Variants in CAB39 observed in about 807,000 individuals in gnomAD.
The protein encoded by CAB39 is calcium binding protein 39.
CAB39 carries 8 observed loss-of-function variants against 40.0 expected under a neutral mutation model. The observed-to-expected ratio is 0.20, with a 90% CI of 0.12 to 0.36. The LOEUF is 0.36. Ranked by LOEUF, CAB39 falls within the 10% of genes least tolerant of loss-of-function variation. The pLI, the probability that CAB39 is intolerant of heterozygous loss-of-function variation, is 1.00. For synonymous variants in CAB39, 156 were observed against 141.6 expected (o/e 1.10, Z -0.72); for missense variants, 270 against 401.1 (o/e 0.67, Z 2.79).
chr2:230,815,464 T>C (rs1696383538), intron 7 of CAB39, among the ~76,000 whole-genome samples: 1 of 152,124 alleles, frequency 6.6e-6, no homozygotes, highest in African/African-American at 2.4e-5. Context: ...AGGGCTGAGG[T>C]ATACTACTCT....
chr2:230,815,013 C>T (rs1696375389), intron 7 of CAB39, among the ~76,000 whole-genome samples: 1 of 152,196 alleles, frequency 6.6e-6, no homozygotes, highest in South Asian at 2.1e-4. Flanking sequence ...ACCAAGATTC[C>T]ATCCACTCAT....
At chr2:230,719,445 C>T (rs75433271) in intron 1 of CAB39, among the ~76,000 whole-genome samples, 8,285 of 152,092 alleles carry the variant, frequency 0.054, 774 homozygotes, top group African/African-American at 0.19. Flanking sequence ...TAAATAGATC[C>T]GAATTTGGAT....
chr2:230,734,511 G>A (rs888780268), intron 1 of CAB39, among the ~76,000 whole-genome samples: 1 of 152,138 alleles, frequency 6.6e-6, no homozygotes, highest in Middle Eastern at 3.2e-3. Flanking sequence ...GTGAGTGGGG[G>A]AGTTGCCAGA....
chr2:230,737,862 AC>A (rs1694813809), intron 1 of CAB39, among the ~76,000 whole-genome samples: 1 of 152,192 alleles, frequency 6.6e-6, no homozygotes, highest in African/African-American at 2.4e-5. Context: ...TATGATGTCA[AC>A]ACTTACCTGG....
At chr2:230,735,126 G>A (rs910357950) in intron 1 of CAB39, among the ~76,000 whole-genome samples, 1 of 152,072 alleles carries the variant, frequency 6.6e-6, no homozygotes, top group African/African-American at 2.4e-5. Flanking sequence ...GGAGTAGAAT[G>A]TGGAATCGCA....
intron 1 of CAB39, among the ~76,000 whole-genome samples, chr2:230,727,018 TAAGAAATAC>T (rs973090481): frequency 6.6e-6 from 1 of 151,098 alleles, no homozygotes; most frequent in African/African-American, 2.4e-5. Context: ...GAAGGAATAA[TAAGAAATAC>T]GGAGAGGGAA....
At chr2:230,787,705 G>GCATTGTAC (rs1695817209) in intron 2 of CAB39, among the ~76,000 whole-genome samples, 2 of 152,180 alleles carry the variant, frequency 1.3e-5, no homozygotes, top group Non-Finnish European at 1.5e-5. Flanking sequence ...GGTGTCTTCT[G>GCATTGTAC]CATTGTACCA....
At chr2:230,772,974 C>A (rs1484261059) in intron 2 of CAB39, among the ~76,000 whole-genome samples, 2 of 108,256 alleles carry the variant, frequency 1.8e-5, no homozygotes, top group Non-Finnish European at 1.8e-5. Context: ...CAGAGTACTA[C>A]TCAGCAATAA....
chr2:230,785,970 C>G (rs1394565831), intron 2 of CAB39, among the ~76,000 whole-genome samples: 3 of 151,770 alleles, frequency 2.0e-5, no homozygotes, highest in African/African-American at 7.3e-5. Flanking sequence ...CGAGACCATC[C>G]TGGCTAACAC....
chr2:230,743,895 A>G (rs902805973), intron 1 of CAB39, among the ~76,000 whole-genome samples: 2 of 151,162 alleles, frequency 1.3e-5, no homozygotes, highest in African/African-American at 4.9e-5. Flanking sequence ...GAATAAAGTC[A>G]CAGAGCTCTG....
intron 1 of CAB39, among the ~76,000 whole-genome samples, chr2:230,717,394 C>T (rs1333264192): frequency 6.6e-6 from 1 of 152,096 alleles, no homozygotes; most frequent in Non-Finnish European, 1.5e-5. Flanking sequence ...TGTGAGAGTT[C>T]GTACGTTCTG....
intron 6 of CAB39, 65 bp downstream of exon 6, chr2:230,810,387 T>A: frequency 1.6e-6 from 1 of 613,750 alleles, no homozygotes; most frequent in South Asian, 2.4e-5. Flanking sequence ...AATGAAAGAC[T>A]TACATTAGGT....
intron 1 of CAB39, among the ~76,000 whole-genome samples, chr2:230,748,831 A>AATATATATATATATATATATATAT (rs71052546): frequency 1.4e-4 from 4 of 28,498 alleles, no homozygotes; most frequent in Admixed American, 6.5e-4. Flanking sequence ...AAAAAAAAAA[A>AATATATATATATATATATATATAT]ATATATATAT....
Position 230,777,015 on chromosome 2 carries a change from T to C in CAB39, c.115-13857T>C, listed in dbSNP as rs548908779. Among the ~76,000 whole-genome samples the C allele has an allele frequency of 2.0e-5, 3 of 152,264 alleles. No homozygotes were observed. In the South Asian group the frequency reaches 6.2e-4, roughly 32 times the overall value. On this transcript the variant is annotated intron_variant, in intron 2 of 8. Transcript: ENST00000258418. ...CATCCACTTTTTTAGTTTTACTTTA[T>C]TCTAACTAGTATATTGGAATTCTAC...
chr2:230,793,117 A>G (rs946133402), intron 3 of CAB39, 96 bp from the exon 4 acceptor site: 5 of 664,348 alleles, frequency 7.5e-6, no homozygotes, highest in Middle Eastern at 2.5e-4. Flanking sequence ...AGTCATAACA[A>G]TAAGTACAAT....
At chr2:230,718,634 A>G (rs1221496416) in intron 1 of CAB39, among the ~76,000 whole-genome samples, 1 of 152,172 alleles carries the variant, frequency 6.6e-6, no homozygotes, top group African/African-American at 2.4e-5. Flanking sequence ...CGATTAAATG[A>G]GTTGCTACAT....
chr2:230,779,916 G>C (rs1695656806), intron 2 of CAB39, among the ~76,000 whole-genome samples: 1 of 152,208 alleles, frequency 6.6e-6, no homozygotes, highest in Admixed American at 6.5e-5. Context: ...CTTGAGTAGA[G>C]ACAGAGATGT....
rs1340155196 is a variant in CAB39 at position 230,748,864 on chromosome 2, ATAT to A, written c.-43-11094_-43-11092del. Among the ~76,000 whole-genome samples the A allele has an allele frequency of 1.5e-3, 197 of 128,108 alleles. 1 individual carries two copies. Among genetic ancestry groups the A allele is most frequent in the Non-Finnish European group, 2.2e-3 (130 of 59,720 alleles). The allele number at this position is 128,108 out of a possible 152,430, so 84.0% of individuals were successfully genotyped here. ...TATATATATATATATATATATATAT[ATAT>A]AACAAAATGGTAATTTTTTCCTATC... On this transcript the variant is annotated intron_variant, in intron 1 of 8. Coordinates refer to ENST00000258418, the MANE Select transcript of CAB39 (RefSeq NM_016289.4).
At chr2:230,802,237 C>T (rs1439111910) in intron 5 of CAB39, among the ~76,000 whole-genome samples, 5 of 152,102 alleles carry the variant, frequency 3.3e-5, no homozygotes, top group Non-Finnish European at 5.9e-5. Context: ...CACAACCTAC[C>T]GCAATCTCTG....
Sources: allele counts gnomAD v4.1 joint callset (sites outside exome capture counted in the v4.1 genomes callset), GRCh38; gene constraint gnomAD v4.1.1; transcripts MANE v1.5; gene names NCBI Gene and HGNC (gene_info 2026-07-23, HGNC 2026-07-21).